TBC1D5: variants seen among roughly 807,000 people sequenced by gnomAD.
TBC1D5 encodes the protein TBC1 domain family member 5.
Under a neutral mutation model 100.3 loss-of-function variants are expected in TBC1D5, and 75 were observed. That is an observed-to-expected ratio of 0.75 (90% CI 0.62 to 0.91). The LOEUF (loss-of-function observed/expected upper bound fraction) is 0.91, where lower values mean the gene tolerates loss of function less well. Ranked by LOEUF, TBC1D5 falls within the 40% of genes least tolerant of loss-of-function variation. The pLI is 0.00. For missense variants in TBC1D5, 910 were observed against 942.4 expected (o/e 0.97, Z 0.45); for synonymous variants, 323 against 325.6 (o/e 0.99, Z 0.09).
At chr3:17,533,527 G>C (rs1242322600) in intron 2 of TBC1D5, among the ~76,000 whole-genome samples, 3 of 152,146 alleles carry the variant, frequency 2.0e-5, no homozygotes, top group Non-Finnish European at 4.4e-5. Flanking sequence ...AAAAGACAAA[G>C]CAAACTCTAA....
At position 17,267,700 on chromosome 3, in the gene TBC1D5, A is replaced by T. The variant is rs185098628; in HGVS notation, c.1246-9109T>A. On this transcript the variant is annotated intron_variant, in intron 15 of 21. Coordinates refer to ENST00000253692, the Ensembl canonical transcript of TBC1D5. ...CTTGGACTGAGAACTCTGATTTGGA[A>T]AATTTTTCTCCCATCTTCTTTTTCC... Among the ~76,000 whole-genome samples, 5 of 152,220 alleles carry T rather than the reference A, an allele frequency of 3.3e-5. No individual in the cohort carries two copies. In the East Asian group the frequency reaches 9.6e-4, roughly 29 times the overall value.
At chr3:17,499,438 T>C (rs530423088) in intron 3 of TBC1D5, among the ~76,000 whole-genome samples, 1 of 135,078 alleles carries the variant, frequency 7.4e-6, no homozygotes, top group Non-Finnish European at 1.5e-5. Flanking sequence ...TAGGGGACTG[T>C]GGCTCACACC....
intron 3 of TBC1D5, among the ~76,000 whole-genome samples, chr3:17,472,851 T>C (rs990384150): frequency 1.3e-5 from 2 of 152,230 alleles, no homozygotes; most frequent in African/African-American, 2.4e-5. Flanking sequence ...AGACAGCTAG[T>C]ACTGAATATC....
At chr3:17,718,593 A>C (rs191126369) in intron 1 of TBC1D5, among the ~76,000 whole-genome samples, 1 of 152,056 alleles carries the variant, frequency 6.6e-6, no homozygotes, top group African/African-American at 2.4e-5. Flanking sequence ...GGAGACTCCA[A>C]CTCAAAAAAA....
At chr3:17,724,946 T>C (rs142096190) in intron 1 of TBC1D5, among the ~76,000 whole-genome samples, 3 of 152,322 alleles carry the variant, frequency 2.0e-5, no homozygotes, top group Non-Finnish European at 4.4e-5. Flanking sequence ...TTTTTCATTA[T>C]AATTATTACT....
At chr3:17,634,626 T>TAAAAAA (rs1000749608) in intron 1 of TBC1D5, among the ~76,000 whole-genome samples, 1 of 85,520 alleles carries the variant, frequency 1.2e-5, no homozygotes, top group South Asian at 3.4e-4. Context: ...GCTAATAGGG[T>TAAAAAA]AAAAAAAAAA....
At chr3:17,496,318 T>C (rs116741137) in intron 3 of TBC1D5, among the ~76,000 whole-genome samples, 15 of 152,180 alleles carry the variant, frequency 9.9e-5, no homozygotes, top group African/African-American at 3.6e-4. Flanking sequence ...CAAATTAAAT[T>C]GAAGAGCATT....
rs78034053 is a variant in TBC1D5 at position 17,366,902 on chromosome 3, C to T, written c.995+5173G>A. 6.7e-4 allele frequency among the ~76,000 whole-genome samples: 102 copies of T among 151,992 alleles called. 2 individuals are homozygous for T. The East Asian group carries it at 0.019, about 28-fold the overall frequency. On this transcript the variant is annotated intron_variant, in intron 13 of 21. Transcript: ENST00000253692. Reference sequence around the variant, plus strand: ...CCCAATTAAATTACAATAAACTGCACGGTAAAACAACTGCTAATCCAGATA... The same window carrying T: ...CCCAATTAAATTACAATAAACTGCATGGTAAAACAACTGCTAATCCAGATA...
At chr3:17,269,392 C>A (rs1382099564) in intron 15 of TBC1D5, among the ~76,000 whole-genome samples, 2 of 152,138 alleles carry the variant, frequency 1.3e-5, no homozygotes, top group Non-Finnish European at 2.9e-5. Flanking sequence ...TTGTAGTGGT[C>A]TGTTCCCTAA....
At chr3:17,671,101 A>C (rs886314641) in intron 1 of TBC1D5, among the ~76,000 whole-genome samples, 1 of 152,242 alleles carries the variant, frequency 6.6e-6, no homozygotes, top group East Asian at 1.9e-4. Flanking sequence ...ATTCTTCCCA[A>C]TGCATCCAAA....
At chr3:17,522,633 C>T (rs2096075586) in intron 2 of TBC1D5, among the ~76,000 whole-genome samples, 1 of 152,050 alleles carries the variant, frequency 6.6e-6, no homozygotes. Context: ...ATTAACAAAA[C>T]TGAATAAACT....
At chr3:17,676,181 T>C (rs2068605665) in intron 1 of TBC1D5, among the ~76,000 whole-genome samples, 1 of 152,188 alleles carries the variant, frequency 6.6e-6, no homozygotes, top group African/African-American at 2.4e-5. Context: ...TTAATTGAAA[T>C]AGGATTAAAA....
At chr3:17,385,692 G>GTT (rs137886602) in intron 8 of TBC1D5, among the ~76,000 whole-genome samples, 10 of 147,214 alleles carry the variant, frequency 6.8e-5, no homozygotes, top group African/African-American at 2.5e-4. Context: ...TTGGTTTTTT[G>GTT]TTTTTTTTTT....
chr3:17,569,464 T>G (rs759018016), intron 2 of TBC1D5, among the ~76,000 whole-genome samples: 7 of 151,876 alleles, frequency 4.6e-5, no homozygotes, highest in Non-Finnish European at 1.0e-4. Flanking sequence ...CCAATTTATA[T>G]AAATGATTAT....
intron 2 of TBC1D5, among the ~76,000 whole-genome samples, chr3:17,614,473 T>G (rs1366872528): frequency 6.6e-6 from 1 of 152,254 alleles, no homozygotes; most frequent in African/African-American, 2.4e-5. Context: ...TAAATTACCC[T>G]GGGCAGTATG....
intron 1 of TBC1D5, among the ~76,000 whole-genome samples, chr3:17,627,644 T>G (rs548134269): frequency 6.6e-6 from 1 of 151,500 alleles, no homozygotes; most frequent in South Asian, 2.1e-4. Flanking sequence ...GGAAGAACAA[T>G]TTTTAAATAT....
intron 8 of TBC1D5, 132 bp downstream of exon 8, chr3:17,403,049 C>T: frequency 1.6e-6 from 1 of 609,776 alleles, no homozygotes; most frequent in Non-Finnish European, 2.7e-6. Context: ...TTTGTCAAAA[C>T]AAGTTTGTTA....
intron 2 of TBC1D5, among the ~76,000 whole-genome samples, chr3:17,601,860 C>T (rs868109701): frequency 6.6e-6 from 1 of 152,026 alleles, no homozygotes; most frequent in South Asian, 2.1e-4. Context: ...GACCGAGTCT[C>T]GCTCTGTTGC....
At chr3:17,358,175 TTTGTTTG>T (rs919732841) in intron 13 of TBC1D5, among the ~76,000 whole-genome samples, 1 of 150,492 alleles carries the variant, frequency 6.6e-6, no homozygotes, top group Non-Finnish European at 1.5e-5. Context: ...TCACTTTTTT[TTTGTTTG>T]TTTGTTTTTG....
Sources: gnomAD v4.1 joint callset for allele counts (sites outside exome capture counted in the v4.1 genomes callset) on GRCh38, gnomAD v4.1.1 for gene constraint, MANE v1.5 for transcripts, NCBI Gene and HGNC (gene_info 2026-07-23, HGNC 2026-07-21) for gene names.